The following S1PR2 variants were observed in gnomAD, a reference collection of about 807,000 sequenced individuals.
S1PR2 encodes the protein sphingosine-1-phosphate receptor 2.
Under a neutral mutation model 16.1 loss-of-function variants are expected in S1PR2, and 9 were observed. That is an observed-to-expected ratio of 0.56 (90% CI 0.34 to 0.98). S1PR2 has a LOEUF of 0.98. Ranked by LOEUF, S1PR2 falls within the 50% of genes least tolerant of loss-of-function variation. The pLI is 0.02. For missense variants in S1PR2, 361 were observed against 488.4 expected (o/e 0.74, Z 2.46); for synonymous variants, 224 against 233.9 (o/e 0.96, Z 0.38).
At position 10,224,330 on chromosome 19, in the gene S1PR2, C is replaced by T; in HGVS notation, c.576G>A (p.Leu192=). ...TGATGGAGAAGATGGTCACCACGCA[C>T]AGCACATAATGCTTGGCGTAGAGAG... ...VLPLYAKHYV[L]CVVTIFSIIL... is the part of the protein sequence containing the mutation. Residue 192 remains leucine (L), a synonymous_variant, in exon 2 of 2, where the codon CTG becomes CTA. Transcript: ENST00000646641. The T allele has an allele frequency of 6.2e-7, 1 of 1,614,158 alleles. No individual in the cohort carries two copies. Among genetic ancestry groups the T allele is most frequent in the Non-Finnish European group, 8.5e-7 (1 of 1,180,046 alleles).
rs1247340652 is a variant in S1PR2, at chr19:10,223,205, A to T, written c.*639T>A. ...AAAAAAAAAAAAAAAAAAAAAAAAAAGCCGGGCACGGTGGCTCACGCCTGT... is the reference window on the plus strand; with the variant it reads ...AAAAAAAAAAAAAAAAAAAAAAAAATGCCGGGCACGGTGGCTCACGCCTGT... On this transcript the variant is annotated 3_prime_UTR_variant, in exon 2 of 2. Coordinates refer to ENST00000646641, the MANE Select transcript of S1PR2 (RefSeq NM_004230.4). 1 of 112,714 alleles carries T rather than the reference A, an allele frequency of 8.9e-6. No individual in the cohort carries two copies. Among genetic ancestry groups the T allele is most frequent in the East Asian group, 2.5e-4 (1 of 3,964 alleles). 7.0% of individuals were successfully genotyped at this position (112,714 alleles called of 1,614,324 possible). A position where few individuals can be genotyped will look rare whatever the true frequency, so the allele number is the denominator to read the frequency against.
At chr19:10,228,937 C>G (rs879600648) in intron 1 of S1PR2, among the ~76,000 whole-genome samples, 12 of 152,084 alleles carry the variant, frequency 7.9e-5, no homozygotes, top group Non-Finnish European at 1.3e-4. Context: ...ACTCCCAGTT[C>G]CAGAAAGGCA....
In S1PR2 at chr19:10,231,285, G is replaced by A. The variant is rs914631879; in HGVS notation, c.-124C>T. ...CCCAGGGCGGCCGCGGCTGGGGCTG[G>A]GGTTGCCAGCCGGGCTCGGCTAAGT... On this transcript the variant is annotated 5_prime_UTR_variant, in exon 1 of 2. Transcript: ENST00000646641. The A allele has an allele frequency of 4.6e-5, 7 of 152,314 alleles. No individual in the cohort carries two copies. Among genetic ancestry groups the A allele is most frequent in the African/African-American group, 1.7e-4 (7 of 41,466 alleles). The allele number at this position is 152,314 out of a possible 1,614,324, so 9.4% of individuals were successfully genotyped here. A position where few individuals can be genotyped will look rare whatever the true frequency, so the allele number is the denominator to read the frequency against.
At chr19:10,225,250 T>A (rs1009595735) in intron 1 of S1PR2, among the ~76,000 whole-genome samples, 6 of 152,080 alleles carry the variant, frequency 3.9e-5, no homozygotes, top group African/African-American at 1.4e-4. Flanking sequence ...AAAGACAAGG[T>A]CTTGCTCTGT....
rs779999418 is a variant in S1PR2, at chr19:10,224,239, T to C, written c.667A>G (p.Met223Val). The C allele has an allele frequency of 5.6e-6, 9 of 1,613,716 alleles. No individual in the cohort carries two copies. The highest frequency in any genetic ancestry group is 1.6e-4 in the Middle Eastern group (1 of 6,084). ...AGGGCTAGCGTCTGCGGGGCGGCCA[T>C]GTCAGCGTGGCTTGAGCGGACCACG... ...YCVVRSSHAD[M>V]AAPQTLALLK... Residue 223 changes from methionine (M) to valine (V), a missense_variant, in exon 2 of 2, where the codon ATG becomes GTG. Coordinates refer to ENST00000646641, the MANE Select transcript of S1PR2 (RefSeq NM_004230.4).
At chr19:10,229,774 T>A (rs557751193) in intron 1 of S1PR2, among the ~76,000 whole-genome samples, 1 of 152,020 alleles carries the variant, frequency 6.6e-6, no homozygotes, top group Non-Finnish European at 1.5e-5. Flanking sequence ...ATAGCAGCCA[T>A]CTCCAAGCCT....
In S1PR2 at chr19:10,224,433, A is replaced by G. The variant is rs752132394; in HGVS notation, c.473T>C (p.Ile158Thr). 4 of 1,613,628 alleles carry G rather than the reference A, an allele frequency of 2.5e-6. No individual in the cohort carries two copies. In the South Asian group the frequency reaches 3.3e-5, roughly 13 times the overall value. ...MLLLIGASWLISLVLGGLPIL... is the reference protein window; with the variant it reads ...MLLLIGASWLTSLVLGGLPIL... ...GGGCAGGCCACCGAGGACCAGCGAG[A>G]TGAGCCACGAGGCCCCGATGAGCAG... Residue 158 changes from isoleucine (I) to threonine (T), a missense_variant, in exon 2 of 2, where the codon ATC becomes ACC. By Grantham distance (89) the Ile-to-Thr change is moderately conservative (BLOSUM62 -1). Transcript: ENST00000646641.
rs770806486 is a variant in S1PR2 at position 10,224,457 on chromosome 19, A to T, written c.449T>A (p.Leu150Gln). 6.2e-7 allele frequency: 1 copy of T among 1,613,874 alleles called. No individual in the cohort carries two copies. The highest frequency in any genetic ancestry group is 8.5e-7 in the Non-Finnish European group (1 of 1,180,006). Residue 150 changes from leucine (L) to glutamine (Q), a missense_variant, in exon 2 of 2, where the codon CTG becomes CAG. Physicochemically the swap from Leu to Gln is moderately radical, Grantham distance 113. Transcript: ENST00000646641. ...GATGAGCCACGAGGCCCCGATGAGC[A>T]GAAGCATGCGGCAGCTCTTGTCGCT... ...YGSDKSCRMLLLIGASWLISL... is the reference protein window; with the variant it reads ...YGSDKSCRMLQLIGASWLISL...
At chr19:10,227,434 A>C (rs2039642587) in intron 1 of S1PR2, among the ~76,000 whole-genome samples, 1 of 152,150 alleles carries the variant, frequency 6.6e-6, no homozygotes, top group Non-Finnish European at 1.5e-5. Context: ...TTGGGAACAG[A>C]CAAGGGCTTG....
chr19:10,228,390 T>A (rs1052681959), intron 1 of S1PR2, among the ~76,000 whole-genome samples: 3 of 152,078 alleles, frequency 2.0e-5, no homozygotes, highest in African/African-American at 7.2e-5. Context: ...CAGTCTGTCT[T>A]TTTCCCTGAG....
chr19:10,223,979 C>T lies in S1PR2; in HGVS notation c.927G>A (p.Gly309=). ...CCCGCCTCCGTCCTTGCACCCCCAC[C>T]CCCGGCCTCCAGCACTGCAGCGGCC... ...VLRPLQCWRP[G]VGVQGRRRGG... The change falls in exon 2 of 2, where the codon GGG becomes GGA. Residue 309 remains glycine, a synonymous_variant. Transcript: ENST00000646641. 3.1e-6 allele frequency: 5 copies of T among 1,609,636 alleles called. No homozygotes were observed. The highest frequency in any genetic ancestry group is 3.4e-6 in the Non-Finnish European group (4 of 1,177,596).
intron 1 of S1PR2, among the ~76,000 whole-genome samples, chr19:10,230,942 C>T (rs1054682194): frequency 2.0e-5 from 3 of 152,318 alleles, no homozygotes; most frequent in Admixed American, 6.5e-5. Flanking sequence ...CAGTCGAAAG[C>T]GCTCGGATTC....
At position 10,224,253 on chromosome 19, in the gene S1PR2, G is replaced by A. The variant is rs1174736917; in HGVS notation, c.653C>T (p.Ser218Leu). 1 of 1,613,930 alleles carries A rather than the reference G, an allele frequency of 6.2e-7. No homozygotes were observed. ...LYVRIYCVVRSSHADMAAPQT... is the reference protein window; with the variant it reads ...LYVRIYCVVRLSHADMAAPQT... ...CGGGGCGGCCATGTCAGCGTGGCTTGAGCGGACCACGCAGTAGATGCGCAC... is the reference window on the plus strand; with the variant it reads ...CGGGGCGGCCATGTCAGCGTGGCTTAAGCGGACCACGCAGTAGATGCGCAC... Residue 218 changes from serine to leucine, a missense_variant, in exon 2 of 2, where the codon TCA becomes TTA. Ser to Leu is a moderately radical substitution (Grantham distance 145). Transcript: ENST00000646641.
At chr19:10,226,894 G>T (rs944291311) in intron 1 of S1PR2, among the ~76,000 whole-genome samples, 3 of 151,822 alleles carry the variant, frequency 2.0e-5, no homozygotes. Context: ...GAGGGGGTAA[G>T]GCATTTGTTC....
rs1235243376 is a variant in S1PR2 at position 10,223,157 on chromosome 19, A to C, written c.*687T>G. The stretch of plus-strand genomic sequence containing the variant: ...ACTCTCCAGCCTGGGCAACAGAGCG[A>C]GACTTCATCTCAAAAAAAAAAAAAA... On this transcript the variant is annotated 3_prime_UTR_variant, in exon 2 of 2. Coordinates refer to ENST00000646641, the MANE Select transcript of S1PR2 (RefSeq NM_004230.4). The C allele has an allele frequency of 8.6e-6, 1 of 116,730 alleles. No individual in the cohort carries two copies. Among genetic ancestry groups the C allele is most frequent in the Non-Finnish European group, 1.7e-5 (1 of 60,174 alleles). 7.2% of individuals were successfully genotyped at this position (116,730 alleles called of 1,614,324 possible).
intron 1 of S1PR2, among the ~76,000 whole-genome samples, chr19:10,230,220 G>C (rs566615967): frequency 2.6e-5 from 4 of 152,316 alleles, no homozygotes; most frequent in East Asian, 3.9e-4. Flanking sequence ...ATCTGGTTTA[G>C]GAATGCGCGG....
intron 1 of S1PR2, among the ~76,000 whole-genome samples, chr19:10,230,789 GC>G (rs1190864271): frequency 2.6e-5 from 4 of 152,196 alleles, no homozygotes; most frequent in African/African-American, 7.2e-5. Context: ...CGTGGGTGCC[GC>G]CCCTTGGCTT....
chr19:10,228,360 C>T (rs1212462669), intron 1 of S1PR2, among the ~76,000 whole-genome samples: 1 of 152,076 alleles, frequency 6.6e-6, no homozygotes, highest in Non-Finnish European at 1.5e-5. Flanking sequence ...TCAGCCCTTG[C>T]ACCCCAGGGA....
intron 1 of S1PR2, among the ~76,000 whole-genome samples, chr19:10,227,337 C>G (rs2039642025): frequency 6.6e-6 from 1 of 152,158 alleles, no homozygotes; most frequent in Non-Finnish European, 1.5e-5. Flanking sequence ...CCATCTCAGT[C>G]CCTGGCCGCC....
Sources: allele counts gnomAD v4.1 joint callset (sites outside exome capture counted in the v4.1 genomes callset), GRCh38; gene constraint gnomAD v4.1.1; transcripts MANE v1.5; gene names NCBI Gene and HGNC (gene_info 2026-07-23, HGNC 2026-07-21).